TMEM132B: variants seen among roughly 807,000 people sequenced by gnomAD.
The protein encoded by TMEM132B is transmembrane protein 132B.
TMEM132B carries 18 observed loss-of-function variants against 90.8 expected under a neutral mutation model. That is an observed-to-expected ratio of 0.20 (90% CI 0.14 to 0.29). The LOEUF (loss-of-function observed/expected upper bound fraction) is 0.29, where lower values mean the gene tolerates loss of function less well. TMEM132B is among the 10% of genes least tolerant of loss of function. TMEM132B has a pLI of 1.00. For missense variants in TMEM132B, 1,096 were observed against 1,326.8 expected, an observed-to-expected ratio of 0.83 and a Z score of 2.70; for synonymous variants, 504 against 523.3, an observed-to-expected ratio of 0.96 and a Z score of 0.50.
intron 3 of TMEM132B, among the ~76,000 whole-genome samples, chr12:125,513,019 G>T (rs554584221): frequency 6.6e-6 from 1 of 152,186 alleles, no homozygotes; most frequent in Non-Finnish European, 1.5e-5. Context: ...GGGACCCCAC[G>T]CAGTGGGGCT....
intron 3 of TMEM132B, among the ~76,000 whole-genome samples, chr12:125,473,315 T>C (rs781715298): frequency 3.9e-5 from 6 of 152,204 alleles, no homozygotes; most frequent in Admixed American, 6.5e-5. Context: ...CATTAATTTT[T>C]CCCAAGTATC....
At position 125,657,901 on chromosome 12, in the gene TMEM132B, A is replaced by C. The variant is rs542193095; in HGVS notation, c.*3191A>C. On this transcript the variant is annotated 3_prime_UTR_variant, in exon 9 of 9. Transcript: ENST00000682704. Reference sequence around the variant, plus strand: ...ATTGAGGATTGCAACCGCTGCCTCCAGGGTCCAGATGTGCTGCAGTAGAGG... The same window carrying C: ...ATTGAGGATTGCAACCGCTGCCTCCCGGGTCCAGATGTGCTGCAGTAGAGG... The C allele has an allele frequency of 3.9e-5, 6 of 152,346 alleles. No individual in the cohort carries two copies. The highest frequency in any genetic ancestry group is 8.8e-5 in the Non-Finnish European group (6 of 68,094). 9.4% of individuals were successfully genotyped at this position (152,346 alleles called of 1,614,324 possible). A position where few individuals can be genotyped will look rare whatever the true frequency, so the allele number is the denominator to read the frequency against.
intron 5 of TMEM132B, among the ~76,000 whole-genome samples, chr12:125,638,878 A>G (rs906829571): frequency 2.0e-5 from 3 of 152,218 alleles, no homozygotes; most frequent in African/African-American, 7.2e-5. Context: ...TAGTTGCAAA[A>G]GTGTAATTTG....
intron 1 of TMEM132B, among the ~76,000 whole-genome samples, chr12:125,300,336 T>G (rs1383923118): frequency 6.6e-6 from 1 of 152,098 alleles, no homozygotes; most frequent in Non-Finnish European, 1.5e-5. Flanking sequence ...GCACCTGGTC[T>G]CTTTTGTTCT....
At position 125,650,784 on chromosome 12, in the gene TMEM132B, T is replaced by C. The variant is rs1028144422; in HGVS notation, c.1745T>C (p.Val582Ala). The C allele has an allele frequency of 1.2e-5, 20 of 1,614,230 alleles. No homozygotes were observed. Among genetic ancestry groups the C allele is most frequent in the Admixed American group, 1.7e-5 (1 of 60,028 alleles). The change falls in exon 7 of 9, where the codon GTG (valine) becomes GCG (alanine). Residue 582 changes from valine to alanine, a missense_variant. By Grantham distance (64) the Val-to-Ala change is moderately conservative. Coordinates refer to ENST00000682704, the MANE Select transcript of TMEM132B (RefSeq NM_001366854.1). ...ACAGTGCGTGTCCTCACCCAGTTTG[T>C]GGCCGAGTCACCTGACTTAGGGCAG... ...HATVRVLTQF[V>A]AESPDLGQLT...
At chr12:125,620,792 C>T (rs754442469) in intron 5 of TMEM132B, among the ~76,000 whole-genome samples, 3 of 152,164 alleles carry the variant, frequency 2.0e-5, no homozygotes, top group Non-Finnish European at 2.9e-5. Context: ...GGGAAAAAAG[C>T]CCTTTATAAA....
chr12:125,233,548 A>G (rs1047870708), intron 1 of TMEM132B, among the ~76,000 whole-genome samples: 17 of 152,248 alleles, frequency 1.1e-4, no homozygotes, highest in African/African-American at 3.1e-4. Context: ...CTCATAGTCA[A>G]TGGCCACGCT....
chr12:125,570,866 A>T (rs767127040), intron 4 of TMEM132B, among the ~76,000 whole-genome samples: 10 of 152,132 alleles, frequency 6.6e-5, no homozygotes, highest in Non-Finnish European at 1.2e-4. Flanking sequence ...TGTGCTAGGG[A>T]TCAAAGAGTG....
intron 3 of TMEM132B, among the ~76,000 whole-genome samples, chr12:125,442,692 G>C (rs997128494): frequency 6.6e-6 from 1 of 152,196 alleles, no homozygotes; most frequent in Non-Finnish European, 1.5e-5. Context: ...TCAGATAAGG[G>C]ACTCTACTGC....
At position 125,457,856 on chromosome 12, in the gene TMEM132B, A is replaced by C. The variant is rs539916665; in HGVS notation, c.1106+42179A>C. On this transcript the variant is annotated intron_variant, in intron 3 of 8. Coordinates refer to ENST00000682704, the MANE Select transcript of TMEM132B (RefSeq NM_001366854.1). ...ACATGATGCAGAAGGCCACAGGTGT[A>C]CATGTCCAGGTGAGTGTGATGGGAG... Among the ~76,000 whole-genome samples the C allele has an allele frequency of 4.6e-5, 7 of 152,314 alleles. No homozygotes were observed. The South Asian group carries it at 1.5e-3, about 32-fold the overall frequency.
chr12:125,221,764 C>T (rs1873564213), intron 1 of TMEM132B, among the ~76,000 whole-genome samples: 1 of 152,178 alleles, frequency 6.6e-6, no homozygotes, highest in Non-Finnish European at 1.5e-5. Flanking sequence ...AAGGGACATT[C>T]ATGTGGAATT....
intron 1 of TMEM132B, among the ~76,000 whole-genome samples, chr12:125,205,926 G>A (rs1873172790): frequency 6.6e-6 from 1 of 152,214 alleles, no homozygotes; most frequent in Non-Finnish European, 1.5e-5. Flanking sequence ...ATTGCAGCAG[G>A]CGGGACCCTC....
Position 125,415,500 on chromosome 12 carries a change from T to C in TMEM132B, c.960-31T>C, listed in dbSNP as rs765050565. The stretch of plus-strand genomic sequence containing the variant: ...GTTTCAAACTAAAATGGTTTTATTA[T>C]ATATAATATCATTGTTTTCCCACCC... On this transcript the variant is annotated intron_variant, in intron 2 of 8. Transcript: ENST00000682704. The surrounding 1 kb of genome is among the most constrained non-coding windows in gnomAD (Gnocchi z 5.3). The C allele has an allele frequency of 6.2e-7, 1 of 1,611,364 alleles. No individual in the cohort carries two copies. The highest frequency in any genetic ancestry group is 8.5e-7 in the Non-Finnish European group (1 of 1,178,884).
chr12:125,529,434 T>C (rs1229786161), intron 4 of TMEM132B, among the ~76,000 whole-genome samples: 2 of 152,196 alleles, frequency 1.3e-5, no homozygotes, highest in African/African-American at 4.8e-5. Context: ...TTTTATTTTC[T>C]TTGAATGATT....
Position 125,653,732 on chromosome 12 carries a change from A to T in TMEM132B, c.2274A>T (p.Glu758Asp). ...GGCCAATTGTGGTTGCAGAGGGTGA[A>T]GGACAAGGGCCTTTGATTAAGTTAG... ...SKWPIVVAEG[E>D]GQGPLIKLEM... The change falls in exon 9 of 9, where the codon GAA becomes GAT. Residue 758 changes from glutamate to aspartate, a missense_variant. Coordinates refer to ENST00000682704, the MANE Select transcript of TMEM132B (RefSeq NM_001366854.1). 6.2e-7 allele frequency: 1 copy of T among 1,614,202 alleles called. No individual in the cohort carries two copies. Among genetic ancestry groups the T allele is most frequent in the Non-Finnish European group, 8.5e-7 (1 of 1,180,036 alleles).
At chr12:125,531,962 C>A (rs916243181) in intron 4 of TMEM132B, among the ~76,000 whole-genome samples, 2 of 152,230 alleles carry the variant, frequency 1.3e-5, no homozygotes, top group African/African-American at 2.4e-5. Context: ...GCACATAGTG[C>A]CAGGGAGGCC....
intron 3 of TMEM132B, among the ~76,000 whole-genome samples, chr12:125,501,249 AT>A (rs905834143): frequency 6.6e-6 from 1 of 152,222 alleles, no homozygotes; most frequent in Non-Finnish European, 1.5e-5. Context: ...GAGGAATAAT[AT>A]TTTAGTATAT....
intron 3 of TMEM132B, among the ~76,000 whole-genome samples, chr12:125,467,257 A>C (rs933745698): frequency 6.6e-6 from 1 of 152,180 alleles, no homozygotes; most frequent in African/African-American, 2.4e-5. Context: ...ACAGATGGAG[A>C]GAGATGGTGG....
At position 125,656,179 on chromosome 12, in the gene TMEM132B, T is replaced by C. The variant is rs915148438; in HGVS notation, c.*1469T>C. ...AAATGTGATGACATATTTATTAAGA[T>C]TGTATTATTGGAAATGTAGACACTG... On this transcript the variant is annotated 3_prime_UTR_variant, in exon 9 of 9. Transcript: ENST00000682704. 3 of 152,190 alleles carry C rather than the reference T, an allele frequency of 2.0e-5. No individual in the cohort carries two copies. Among genetic ancestry groups the C allele is most frequent in the Non-Finnish European group, 2.9e-5 (2 of 68,032 alleles). The allele number at this position is 152,190 out of a possible 1,614,324, so 9.4% of individuals were successfully genotyped here. A position where few individuals can be genotyped will look rare whatever the true frequency, so the allele number is the denominator to read the frequency against.
Sources: allele counts gnomAD v4.1 joint callset (sites outside exome capture counted in the v4.1 genomes callset), GRCh38; gene constraint gnomAD v4.1.1; non-coding constraint Gnocchi (gnomAD v3.1); transcripts MANE v1.5; gene names NCBI Gene and HGNC (gene_info 2026-07-23, HGNC 2026-07-21).